The following PCDHAC1 variants were observed in gnomAD, a reference collection of about 807,000 sequenced individuals.
PCDHAC1 encodes protocadherin alpha subfamily C, 1, also known as protocadherin alpha-C1.
PCDHAC1 carries 42 observed loss-of-function variants against 60.0 expected under a neutral mutation model. The observed-to-expected ratio is 0.70, with a 90% CI of 0.55 to 0.90. The LOEUF is 0.90. Ranked by LOEUF, PCDHAC1 falls within the 40% of genes least tolerant of loss-of-function variation. The probability of loss-of-function intolerance (pLI) is 0.00; values close to 1 mark genes in which losing one functional copy is unlikely to be tolerated. For missense variants in PCDHAC1, 1,160 were observed against 1,222.3 expected, an observed-to-expected ratio of 0.95 and a Z score of 0.76; for synonymous variants, 468 against 499.3, an observed-to-expected ratio of 0.94 and a Z score of 0.84.
chr5:140,950,536 T>A (rs182006309), intron 1 of PCDHAC1, among the ~76,000 whole-genome samples: 1 of 152,222 alleles, frequency 6.6e-6, no homozygotes, highest in East Asian at 1.9e-4. Flanking sequence ...TTTTTGTTGC[T>A]CTTGCATGGC....
At chr5:140,968,062 G>A in intron 1 of PCDHAC1, 2 of 1,614,120 alleles carry the variant, frequency 1.2e-6, no homozygotes, top group Non-Finnish European at 1.7e-6. Flanking sequence ...GAGAGCGGGT[G>A]GCTGTCTACA....
chr5:140,966,502 GGCA>G (rs2096011406), intron 1 of PCDHAC1: 14 of 433,816 alleles, frequency 3.2e-5, no homozygotes, highest in South Asian at 2.3e-4. Context: ...GAGCTGTAGC[GGCA>G]GCAGCAGCAG....
rs575540619 is a variant in PCDHAC1 at position 140,959,917 on chromosome 5, T to A, written c.2434-19032T>A. ...TTTATATCAGAAAAATCAAAGCCATTTGTAAAGCCCCATTACTTAGGCAGA... is the reference window on the plus strand; with the variant it reads ...TTTATATCAGAAAAATCAAAGCCATATGTAAAGCCCCATTACTTAGGCAGA... On this transcript the variant is annotated intron_variant, in intron 1 of 3. Transcript: ENST00000253807. 3.3e-5 allele frequency among the ~76,000 whole-genome samples: 5 copies of A among 152,296 alleles called. No homozygotes were observed. The East Asian group carries it at 9.6e-4, about 29-fold the overall frequency.
At chr5:141,005,192 TTTCA>T (rs1554259924) in intron 3 of PCDHAC1, among the ~76,000 whole-genome samples, 1 of 152,220 alleles carries the variant, frequency 6.6e-6, no homozygotes, top group African/African-American at 2.4e-5. Context: ...ACATCAGTCC[TTTCA>T]TTCATTCATC....
intron 1 of PCDHAC1, among the ~76,000 whole-genome samples, chr5:140,963,199 A>G (rs955651383): frequency 6.6e-6 from 1 of 152,092 alleles, no homozygotes; most frequent in Non-Finnish European, 1.5e-5. Flanking sequence ...TGAAAATGAA[A>G]AAAAAAACCT....
At chr5:140,940,194 G>T (rs1455968152) in intron 1 of PCDHAC1, among the ~76,000 whole-genome samples, 4 of 152,118 alleles carry the variant, frequency 2.6e-5, no homozygotes, top group East Asian at 1.9e-4. Context: ...TTTTACATGG[G>T]TGTAAAATTC....
intron 1 of PCDHAC1, chr5:140,969,611 A>G: frequency 1.4e-6 from 1 of 723,476 alleles, no homozygotes; most frequent in Non-Finnish European, 2.2e-6. Flanking sequence ...TAAAACACAG[A>G]TTTGTAGAGA....
chr5:140,961,770 A>C, intron 1 of PCDHAC1, among the ~76,000 whole-genome samples: 1 of 152,206 alleles, frequency 6.6e-6, no homozygotes, highest in East Asian at 1.9e-4. Flanking sequence ...ATTTATATCA[A>C]GCTTAATGGC....
At position 140,928,411 on chromosome 5, in the gene PCDHAC1, A is replaced by G; in HGVS notation, c.1519A>G (p.Ile507Val). Residue 507 changes from isoleucine to valine, a missense_variant, in exon 1 of 4, where the codon ATC becomes GTC. Ile to Val is a conservative substitution (Grantham distance 29). Around this residue, in one of 3 missense-constraint regions of PCDHAC1, gnomAD observed 1,113 missense variants for 1,163.7 expected, o/e 0.96. Coordinates refer to ENST00000253807, the MANE Select transcript of PCDHAC1 (RefSeq NM_018898.5). ...GGCAGTGGAATCATCCAGTGGGGCC[A>G]TCACTGCCAAAACTTCCTTTGACTT... Reference protein sequence around the residue: ...LLAVESSSGAITAKTSFDFEQ... With the variant: ...LLAVESSSGAVTAKTSFDFEQ... The G allele has an allele frequency of 1.2e-6, 2 of 1,614,066 alleles. No individual in the cohort carries two copies. The highest frequency in any genetic ancestry group is 1.7e-6 in the Non-Finnish European group (2 of 1,179,968).
Position 140,982,562 on chromosome 5 carries a change from A to C in PCDHAC1, c.2580A>C (p.Pro860=). ...QQWPTVSSAT[P]EPEAGEVSPP... ...GGCCAACAGTATCCAGTGCAACACCAGGTAAAGAGCTGGGGTCTCTCCATT... is the reference window on the plus strand; with the variant it reads ...GGCCAACAGTATCCAGTGCAACACCCGGTAAAGAGCTGGGGTCTCTCCATT... Residue 860 remains proline, a splice_region_variant and synonymous_variant, in exon 3 of 4, where the codon CCA becomes CCC. Coordinates refer to ENST00000253807, the MANE Select transcript of PCDHAC1 (RefSeq NM_018898.5). 3 of 1,614,062 alleles carry C rather than the reference A, an allele frequency of 1.9e-6. No individual in the cohort carries two copies. The highest frequency in any genetic ancestry group is 2.5e-6 in the Non-Finnish European group (3 of 1,179,936).
At chr5:141,005,520 G>A (rs34458028) in intron 3 of PCDHAC1, among the ~76,000 whole-genome samples, 7,602 of 151,238 alleles carry the variant, frequency 0.05, 239 homozygotes, top group South Asian at 0.11. Flanking sequence ...TGGCTAACAC[G>A]GTGAAACCCC....
intron 1 of PCDHAC1, chr5:140,967,032 A>T: frequency 6.2e-7 from 1 of 1,610,180 alleles, no homozygotes; most frequent in Non-Finnish European, 8.5e-7. Flanking sequence ...AGTCCGCGCT[A>T]CCTGGAGCTG....
intron 3 of PCDHAC1, among the ~76,000 whole-genome samples, chr5:141,006,214 TTA>T (rs2098261511): frequency 6.6e-6 from 1 of 152,046 alleles, no homozygotes; most frequent in South Asian, 2.1e-4. Flanking sequence ...TCATTTTTTT[TTA>T]AATTTTTTAT....
intron 3 of PCDHAC1, among the ~76,000 whole-genome samples, chr5:140,988,690 C>T (rs1286168942): frequency 2.6e-5 from 4 of 152,148 alleles, no homozygotes; most frequent in South Asian, 2.1e-4. Flanking sequence ...TTTCCCTAGA[C>T]GCTCTGTATT....
chr5:140,928,563 T>C lies in PCDHAC1; in HGVS notation c.1671T>C (p.Phe557=), dbSNP rs138980511. 9.3e-4 allele frequency: 1,498 copies of C among 1,614,116 alleles called. 1 individual carries two copies. Among genetic ancestry groups the C allele is most frequent in the Non-Finnish European group, 1.2e-3 (1,397 of 1,180,050 alleles). Residue 557 remains phenylalanine, a synonymous_variant, in exon 1 of 4, where the codon TTT becomes TTC. Coordinates refer to ENST00000253807, the MANE Select transcript of PCDHAC1 (RefSeq NM_018898.5). ...ATGACAATTATCCGGTTATCTTGTT[T>C]CCCTTGCCCAGAAATGGTTCTGTCC... ...DRNDNYPVIL[F]PLPRNGSVPV...
At position 140,927,359 on chromosome 5, in the gene PCDHAC1, A is replaced by G; in HGVS notation, c.467A>G (p.Asn156Ser). The change falls in exon 1 of 4, where the codon AAT becomes AGT. Residue 156 changes from asparagine to serine, a missense_variant. Around this residue, in one of 3 missense-constraint regions of PCDHAC1, gnomAD observed 1,113 missense variants for 1,163.7 expected, o/e 0.96. Transcript: ENST00000253807. ...GCCCAAGATGACGACGAGGGAAGCA[A>G]TGGGATACTAAGCTACAGCCTAAGC... is the stretch of plus-strand genomic sequence containing the variant. The part of the protein sequence containing the change: ...PNAQDDDEGS[N>S]GILSYSLSPS... 2 of 1,613,980 alleles carry G rather than the reference A, an allele frequency of 1.2e-6. No homozygotes were observed. The highest frequency in any genetic ancestry group is 1.6e-4 in the Middle Eastern group (1 of 6,062).
At position 141,011,939 on chromosome 5, in the gene PCDHAC1, A is replaced by T. The variant is rs955936849; in HGVS notation, c.*2002A>T. 5 of 153,690 alleles carry T rather than the reference A, an allele frequency of 3.3e-5. No individual in the cohort carries two copies. The highest frequency in any genetic ancestry group is 1.2e-4 in the African/African-American group (5 of 41,448). The allele number at this position is 153,690 out of a possible 1,614,324, so 9.5% of individuals were successfully genotyped here. A position where few individuals can be genotyped will look rare whatever the true frequency, so the allele number is the denominator to read the frequency against. On this transcript the variant is annotated 3_prime_UTR_variant, in exon 4 of 4. Coordinates refer to ENST00000253807, the MANE Select transcript of PCDHAC1 (RefSeq NM_018898.5). ...TAAAAGAGGTAGGAGTCTGTTATTT[A>T]AAAAAAGCATTAAATTTAAAAAAAA...
At chr5:140,952,476 G>A (rs1231361903) in intron 1 of PCDHAC1, among the ~76,000 whole-genome samples, 1 of 152,148 alleles carries the variant, frequency 6.6e-6, no homozygotes, top group East Asian at 1.9e-4. Context: ...TAAGGAAAGT[G>A]ACATTTGCTC....
At chr5:140,934,319 A>G (rs1292813425) in intron 1 of PCDHAC1, among the ~76,000 whole-genome samples, 1 of 152,146 alleles carries the variant, frequency 6.6e-6, no homozygotes, top group Non-Finnish European at 1.5e-5. Context: ...CAAATGTCCA[A>G]TCATGAATGT....
Sources: gnomAD v4.1 joint callset for allele counts (sites outside exome capture counted in the v4.1 genomes callset) on GRCh38, gnomAD v4.1.1 for gene constraint, gnomAD v4.1.1 regional missense constraint, MANE v1.5 for transcripts, NCBI Gene and HGNC (gene_info 2026-07-23, HGNC 2026-07-21) for gene names.